Variants in TASP1 observed in about 807,000 individuals in gnomAD.
TASP1 encodes threonine aspartase 1.
A neutral mutation model predicts 56.6 loss-of-function variants in TASP1; 16 were observed. That is an observed-to-expected ratio of 0.28 (90% confidence interval 0.19 to 0.43). The LOEUF (loss-of-function observed/expected upper bound fraction) is 0.43. TASP1 is among the 20% of genes least tolerant of loss of function. The probability of loss-of-function intolerance (pLI) is 1.00; values close to 1 mark genes in which losing one functional copy is unlikely to be tolerated. For missense variants in TASP1, 393 were observed against 511.6 expected, an observed-to-expected ratio of 0.77 and a Z score of 2.24; for synonymous variants, 179 against 184.2, an observed-to-expected ratio of 0.97 and a Z score of 0.23.
downstream of TASP1, among the ~76,000 whole-genome samples, chr20:13,385,346 TTGTC>T (rs1295861797): frequency 4.6e-5 from 7 of 152,280 alleles, no homozygotes; most frequent in Non-Finnish European, 1.0e-4. Context: ...TTAAAAGTGT[TTGTC>T]TGTCTCCAGC....
chr20:13,110,985 T>C, the TASP1 span, among the ~76,000 whole-genome samples: 2 of 152,162 alleles, frequency 1.3e-5, no homozygotes, highest in Non-Finnish European at 2.9e-5. Flanking sequence ...AGCCCGCTAA[T>C]CTCATTAGTC....
chr20:13,174,699 GAAA>G, the TASP1 span, among the ~76,000 whole-genome samples: 1 of 129,212 alleles, frequency 7.7e-6, no homozygotes. Flanking sequence ...ACCTTGTCAC[GAAA>G]AAAAAAAAAA....
At chr20:13,164,534 A>G in the TASP1 span, 1 of 579,020 alleles carries the variant, frequency 1.7e-6, no homozygotes, top group Non-Finnish European at 3.1e-6. Flanking sequence ...CATTCATAGT[A>G]TGGAGTTAGA....
the TASP1 span, among the ~76,000 whole-genome samples, chr20:13,122,671 A>G: frequency 3.9e-5 from 6 of 152,240 alleles, no homozygotes; most frequent in Non-Finnish European, 7.3e-5. Context: ...AATGCATACA[A>G]AGTTCTTAAA....
chr20:13,352,385 G>A, the TASP1 span, among the ~76,000 whole-genome samples: 11 of 151,412 alleles, frequency 7.3e-5, no homozygotes, highest in African/African-American at 2.7e-4. Context: ...CAGAGGCAGA[G>A]GTAGCAGTAA....
At chr20:13,440,094 C>G (rs1028355162) in intron 11 of TASP1, among the ~76,000 whole-genome samples, 4 of 152,088 alleles carry the variant, frequency 2.6e-5, no homozygotes, top group Admixed American at 6.6e-5. Context: ...TCAGATTTCT[C>G]AACAACAGCA....
chr20:13,246,988 C>G, the TASP1 span, among the ~76,000 whole-genome samples: 2 of 151,988 alleles, frequency 1.3e-5, no homozygotes, highest in East Asian at 3.9e-4. Flanking sequence ...GTAATCCCAG[C>G]ACTTTGGGAG....
At chr20:13,508,111 T>C (rs1384467428) in intron 10 of TASP1, among the ~76,000 whole-genome samples, 1 of 151,138 alleles carries the variant, frequency 6.6e-6, no homozygotes, top group Non-Finnish European at 1.5e-5. Flanking sequence ...CCTAGACTCC[T>C]GGAAGAGTAA....
the TASP1 span, among the ~76,000 whole-genome samples, chr20:13,291,436 A>G: frequency 1.3e-5 from 2 of 152,174 alleles, no homozygotes; most frequent in Admixed American, 6.5e-5. Context: ...AACCCTGCAA[A>G]TAAGTTTGAG....
At chr20:13,337,897 G>A in the TASP1 span, among the ~76,000 whole-genome samples, 29 of 152,300 alleles carry the variant, frequency 1.9e-4, no homozygotes, top group South Asian at 5.0e-3. Flanking sequence ...TTACAAAAGG[G>A]GGTTGAGCAA....
chr20:13,174,241 A>C, the TASP1 span, among the ~76,000 whole-genome samples: 1 of 152,212 alleles, frequency 6.6e-6, no homozygotes, highest in African/African-American at 2.4e-5. Flanking sequence ...AGGTCTTTTA[A>C]ATTTATACTT....
chr20:13,381,402 C>T, the TASP1 span, among the ~76,000 whole-genome samples: 1 of 152,316 alleles, frequency 6.6e-6, no homozygotes, highest in African/African-American at 2.4e-5. Flanking sequence ...ATGGGCCATG[C>T]CCACTGTCTA....
At chr20:13,318,912 G>T in the TASP1 span, among the ~76,000 whole-genome samples, 1 of 152,186 alleles carries the variant, frequency 6.6e-6, no homozygotes, top group South Asian at 2.1e-4. Flanking sequence ...ACACTTTCAG[G>T]ACAGTGAAAC....
chr20:13,316,810 C>T, the TASP1 span, among the ~76,000 whole-genome samples: 1 of 151,276 alleles, frequency 6.6e-6, no homozygotes. Context: ...AGAAAACCTA[C>T]AAAACACCCG....
chr20:13,532,958 A>T (rs1410308986), intron 9 of TASP1, among the ~76,000 whole-genome samples: 2 of 152,222 alleles, frequency 1.3e-5, no homozygotes, highest in African/African-American at 4.8e-5. Context: ...TTGAGTAATC[A>T]TTCCCTATAC....
the TASP1 span, among the ~76,000 whole-genome samples, chr20:13,345,613 C>T: frequency 1.3e-5 from 2 of 152,164 alleles, no homozygotes; most frequent in Non-Finnish European, 2.9e-5. Context: ...CTAGCACACA[C>T]CTTTTCCCAG....
chr20:13,396,150 G>C (rs1471335755), intron 13 of TASP1, among the ~76,000 whole-genome samples: 4 of 151,992 alleles, frequency 2.6e-5, no homozygotes, highest in Non-Finnish European at 5.9e-5. Context: ...CTCTCTTAAT[G>C]AGTTGACTCA....
At chr20:13,171,106 T>C in the TASP1 span, among the ~76,000 whole-genome samples, 1 of 152,226 alleles carries the variant, frequency 6.6e-6, no homozygotes, top group African/African-American at 2.4e-5. Flanking sequence ...TTTTTTGCCC[T>C]TTTAAGGGCA....
chr20:13,452,567 C>T (rs2043665313), intron 11 of TASP1, among the ~76,000 whole-genome samples: 1 of 151,320 alleles, frequency 6.6e-6, no homozygotes, highest in South Asian at 2.1e-4. Context: ...TAAATATGTA[C>T]ATCTCACTAG....
Sources: allele counts gnomAD v4.1 joint callset (sites outside exome capture counted in the v4.1 genomes callset), GRCh38; gene constraint gnomAD v4.1.1; transcripts MANE v1.5; gene names NCBI Gene and HGNC (gene_info 2026-07-23, HGNC 2026-07-21).